The following KIAA2012 variants were observed in gnomAD, a reference collection of about 807,000 sequenced individuals.
KIAA2012 encodes uncharacterized protein KIAA2012.
In KIAA2012, 125 loss-of-function variants were observed where a neutral mutation model predicts 150.6. The ratio of observed to expected loss-of-function variants is 0.83; its 90% CI spans 0.72 to 0.96. The LOEUF is 0.96. Ranked by LOEUF, KIAA2012 falls within the 40% of genes least tolerant of loss-of-function variation. The probability of loss-of-function intolerance (pLI) is 0.00; values close to 1 mark genes in which losing one functional copy is unlikely to be tolerated. For synonymous variants in KIAA2012, 462 were observed against 504.7 expected (o/e 0.92, Z 1.13); for missense variants, 1,219 against 1,354.9 (o/e 0.90, Z 1.57).
chr2:202,108,157 T>C (rs1237243050), intron 9 of KIAA2012, among the ~76,000 whole-genome samples: 1 of 152,222 alleles, frequency 6.6e-6, no homozygotes, highest in African/African-American at 2.4e-5. Context: ...TGCCTAGGCC[T>C]GGATTACTTC....
At chr2:202,189,098 AG>A (rs1172735987) in intron 18 of KIAA2012, among the ~76,000 whole-genome samples, 4 of 152,162 alleles carry the variant, frequency 2.6e-5, no homozygotes, top group Admixed American at 2.6e-4. Flanking sequence ...TGGTGGAATT[AG>A]GCAAAGGAAA....
rs1690175565 is a variant in KIAA2012 at position 202,105,858 on chromosome 2, G to A, written c.1422G>A (p.Glu474=). The A allele has an allele frequency of 2.6e-5, 40 of 1,550,860 alleles. No homozygotes were observed. The highest frequency in any genetic ancestry group is 3.5e-5 in the Non-Finnish European group (40 of 1,147,048). Reference sequence around the variant, plus strand: ...ATGCGTCCTTAGAAACACCATGGGAGTTAACAGTGCATCTCCCAGTGGACG... The same window carrying A: ...ATGCGTCCTTAGAAACACCATGGGAATTAACAGTGCATCTCCCAGTGGACG... The part of the protein sequence containing the change: ...LKHASLETPW[E]LTVHLPVDAS... The change falls in exon 9 of 24, where the codon GAG becomes GAA. Residue 474 remains glutamate (E), a synonymous_variant. Transcript: ENST00000498697.
At chr2:202,129,762 G>C (rs926324338) in intron 12 of KIAA2012, among the ~76,000 whole-genome samples, 4 of 152,094 alleles carry the variant, frequency 2.6e-5, no homozygotes, top group African/African-American at 9.6e-5. Context: ...CTTGAGGCTA[G>C]GATTCAAGAC....
intron 9 of KIAA2012, among the ~76,000 whole-genome samples, chr2:202,109,035 TA>T (rs2105926718): frequency 6.6e-6 from 1 of 152,330 alleles, no homozygotes; most frequent in South Asian, 2.1e-4. Flanking sequence ...TATGGAATGC[TA>T]CCATCAATCC....
intron 2 of KIAA2012, among the ~76,000 whole-genome samples, chr2:202,087,998 C>CAAA (rs527244781): frequency 7.7e-6 from 1 of 129,832 alleles, no homozygotes; most frequent in Non-Finnish European, 1.7e-5. Flanking sequence ...CAATCCAAAC[C>CAAA]AAAAAAAAAA....
chr2:202,075,305 C>G lies in KIAA2012; in HGVS notation c.369+130C>G, dbSNP rs1020424181. ...CTCTCAGAACTCTATTTCTTCATCTCTAAAATGAGATTGACTGTACTCTTA... is the reference window on the plus strand; with the variant it reads ...CTCTCAGAACTCTATTTCTTCATCTGTAAAATGAGATTGACTGTACTCTTA... On this transcript the variant is annotated intron_variant, in intron 2 of 23. Coordinates refer to ENST00000498697, the MANE Select transcript of KIAA2012 (RefSeq NM_001277372.4). The G allele has an allele frequency of 3.8e-6, 4 of 1,055,482 alleles. No individual in the cohort carries two copies. The African/African-American group carries it at 4.8e-5, about 13-fold the overall frequency. The allele number at this position is 1,055,482 out of a possible 1,614,324, so 65.4% of individuals were successfully genotyped here.
intron 12 of KIAA2012, among the ~76,000 whole-genome samples, chr2:202,134,769 A>G (rs1424889914): frequency 6.6e-5 from 10 of 152,102 alleles, no homozygotes; most frequent in Admixed American, 5.2e-4. Context: ...TGGCCAGGCT[A>G]GTCTCAAACT....
Position 202,073,432 on chromosome 2 carries a change from A to T in KIAA2012, c.-196A>T. 1 of 541,080 alleles carries T rather than the reference A, an allele frequency of 1.8e-6. No homozygotes were observed. Among genetic ancestry groups the T allele is most frequent in the Middle Eastern group, 5.1e-4 (1 of 1,978 alleles). The allele number at this position is 541,080 out of a possible 1,614,324, so 33.5% of individuals were successfully genotyped here. A position where few individuals can be genotyped will look rare whatever the true frequency, so the allele number is the denominator to read the frequency against. On this transcript the variant is annotated 5_prime_UTR_variant, in exon 1 of 24. Coordinates refer to ENST00000498697, the MANE Select transcript of KIAA2012 (RefSeq NM_001277372.4). ...CGGTTTATTTTTTCTCTCCACAAAGACACACACTGTCTAAACTGTGTGGCT... is the reference window on the plus strand; with the variant it reads ...CGGTTTATTTTTTCTCTCCACAAAGTCACACACTGTCTAAACTGTGTGGCT...
intron 7 of KIAA2012, 90 bp downstream of exon 7, chr2:202,100,539 C>T (rs1242697232): frequency 2.2e-6 from 3 of 1,388,674 alleles, no homozygotes; most frequent in African/African-American, 1.5e-5. Flanking sequence ...TAAGGTGACT[C>T]GAAAGGATGT....
At chr2:202,182,675 AAAAT>A (rs1271316040) in intron 15 of KIAA2012, among the ~76,000 whole-genome samples, 1 of 152,232 alleles carries the variant, frequency 6.6e-6, no homozygotes, top group Non-Finnish European at 1.5e-5. Flanking sequence ...TATCTTGGGT[AAAAT>A]ACCTAGGGGT....
chr2:202,170,728 G>A (rs2105728233), intron 15 of KIAA2012, among the ~76,000 whole-genome samples: 1 of 152,278 alleles, frequency 6.6e-6, no homozygotes, highest in East Asian at 1.9e-4. Flanking sequence ...TCCTGTAGGA[G>A]GTAATGGCTG....
intron 11 of KIAA2012, among the ~76,000 whole-genome samples, chr2:202,120,444 C>T (rs1053631626): frequency 6.6e-6 from 1 of 152,166 alleles, no homozygotes; most frequent in Non-Finnish European, 1.5e-5. Context: ...ATGATTTGCT[C>T]AAAGCCACAC....
chr2:202,101,185 C>A (rs1249543572), intron 7 of KIAA2012, among the ~76,000 whole-genome samples: 1 of 152,208 alleles, frequency 6.6e-6, no homozygotes, highest in African/African-American at 2.4e-5. Flanking sequence ...TATGTTGTAT[C>A]TGACTGTGAT....
chr2:202,099,777 T>C lies in KIAA2012; in HGVS notation c.993T>C (p.Asn331=), dbSNP rs766373042. Residue 331 remains asparagine (N), a synonymous_variant, in exon 6 of 24, where the codon AAT becomes AAC. Coordinates refer to ENST00000498697, the MANE Select transcript of KIAA2012 (RefSeq NM_001277372.4). ...HITFCGGAFP[N]RKADLSDKQR... ...CATTCTGTGGAGGCGCCTTCCCTAA[T>C]AGGAAGGCAGATCTCAGCGGTAAGA... 1.4e-5 allele frequency: 21 copies of C among 1,549,660 alleles called. No individual in the cohort carries two copies. Among genetic ancestry groups the C allele is most frequent in the Non-Finnish European group, 1.7e-5 (20 of 1,146,650 alleles).
In KIAA2012 at chr2:202,097,502, G is replaced by A. The variant is rs1231906942; in HGVS notation, c.753G>A (p.Lys251=). 2.6e-6 allele frequency: 4 copies of A among 1,550,492 alleles called. No individual in the cohort carries two copies. In the African/African-American group the frequency reaches 5.5e-5, roughly 21 times the overall value. ...ACGTGGACCAGGGCCCTCTAGCCAA[G>A]AACCATGGCAGTCAGGGGACTCGCT... ...AGHVDQGPLA[K]NHGSQGTRLP... Residue 251 remains lysine, a synonymous_variant, in exon 5 of 24, where the codon AAG becomes AAA. Transcript: ENST00000498697.
chr2:202,144,619 C>A (rs1017982289), intron 13 of KIAA2012, among the ~76,000 whole-genome samples: 2 of 152,186 alleles, frequency 1.3e-5, no homozygotes, highest in South Asian at 4.1e-4. Flanking sequence ...CGTACCCTAC[C>A]CTGCCTTCTA....
chr2:202,176,144 G>A (rs1223623638), intron 15 of KIAA2012, among the ~76,000 whole-genome samples: 2 of 151,636 alleles, frequency 1.3e-5, no homozygotes, highest in Non-Finnish European at 2.9e-5. Context: ...ATTTTGGAAA[G>A]GAAAAAACTT....
intron 2 of KIAA2012, among the ~76,000 whole-genome samples, chr2:202,082,673 A>T (rs1057398815): frequency 2.0e-5 from 3 of 151,606 alleles, no homozygotes; most frequent in Non-Finnish European, 4.4e-5. Flanking sequence ...TGTTCTTTTG[A>T]TATCATATTC....
intron 2 of KIAA2012, among the ~76,000 whole-genome samples, chr2:202,086,516 C>T (rs1689575332): frequency 6.6e-6 from 1 of 152,208 alleles, no homozygotes; most frequent in Non-Finnish European, 1.5e-5. Flanking sequence ...CTTCCACCAT[C>T]CTCTCTATAA....
Sources: gnomAD v4.1 joint callset for allele counts (sites outside exome capture counted in the v4.1 genomes callset) on GRCh38, gnomAD v4.1.1 for gene constraint, MANE v1.5 for transcripts, NCBI Gene and HGNC (gene_info 2026-07-23, HGNC 2026-07-21) for gene names.